Variants in ADCY2 observed in about 807,000 individuals in gnomAD.
ADCY2 encodes adenylate cyclase 2.
ADCY2 carries 31 observed loss-of-function variants against 125.2 expected under a neutral mutation model. The observed-to-expected ratio is 0.25, with a 90% CI of 0.19 to 0.33. The LOEUF is 0.33. ADCY2 is among the 10% of genes least tolerant of loss of function. The pLI, the probability that ADCY2 is intolerant of heterozygous loss-of-function variation, is 1.00. For synonymous variants in ADCY2, 512 were observed against 548.4 expected (o/e 0.93, Z 0.93); for missense variants, 904 against 1,418.2 (o/e 0.64, Z 5.82).
chr5:7,738,382 T>C (rs1382432766), intron 14 of ADCY2, among the ~76,000 whole-genome samples: 1 of 151,796 alleles, frequency 6.6e-6, no homozygotes, highest in Non-Finnish European at 1.5e-5. Flanking sequence ...AAAAATACTT[T>C]TAAATATTTA....
rs147168591 is a variant in ADCY2, at chr5:7,580,003, C to T, written c.571-46164C>T. On this transcript the variant is annotated intron_variant, in intron 3 of 24. Coordinates refer to ENST00000338316, the MANE Select transcript of ADCY2 (RefSeq NM_020546.3). ...GTGGAGGCCATGATCCTAAGTGAAT[C>T]GACATAGAAGCAGATAAGCAAATAA... 2.6e-3 allele frequency among the ~76,000 whole-genome samples: 394 copies of T among 152,190 alleles called. 2 individuals carry two copies. Among genetic ancestry groups the T allele is most frequent in the African/African-American group, 8.9e-3 (369 of 41,518 alleles).
chr5:7,759,251 T>C (rs6555495), intron 16 of ADCY2, among the ~76,000 whole-genome samples: 146,989 of 152,234 alleles, frequency 0.97, 71,079 homozygotes, highest in East Asian at 1. Context: ...CCAGCTCCAT[T>C]TCAGGAGCTC....
Position 7,510,551 on chromosome 5 carries a change from G to A in ADCY2, c.409-10187G>A, listed in dbSNP as rs77442854. ...AGTTCCCAGGTGTGGCTAGGCTCAG[G>A]CCCAAGCACCATACTTGGTGGTAAC... On this transcript the variant is annotated intron_variant, in intron 2 of 24. Transcript: ENST00000338316. Among the ~76,000 whole-genome samples the A allele has an allele frequency of 4.6e-3, 707 of 152,274 alleles. 9 individuals carry two copies. Among genetic ancestry groups the A allele is most frequent in the African/African-American group, 0.016 (672 of 41,556 alleles).
At chr5:7,583,315 TA>T (rs1452511802) in intron 3 of ADCY2, among the ~76,000 whole-genome samples, 2 of 152,114 alleles carry the variant, frequency 1.3e-5, no homozygotes, top group African/African-American at 4.8e-5. Flanking sequence ...CTCAACAGTC[TA>T]TTTGTGGAAA....
chr5:7,708,839 A>T (rs142294251), intron 9 of ADCY2, among the ~76,000 whole-genome samples: 1 of 152,204 alleles, frequency 6.6e-6, no homozygotes, highest in Non-Finnish European at 1.5e-5. Context: ...GAACACCAAA[A>T]CACGATGTTT....
chr5:7,682,262 G>A (rs1028260630), intron 4 of ADCY2, among the ~76,000 whole-genome samples: 9 of 152,158 alleles, frequency 5.9e-5, no homozygotes, highest in East Asian at 1.9e-4. Flanking sequence ...TTCTAAAATC[G>A]CCTGGGAATA....
At chr5:7,478,627 A>G (rs1251144456) in intron 2 of ADCY2, among the ~76,000 whole-genome samples, 1 of 152,160 alleles carries the variant, frequency 6.6e-6, no homozygotes, top group Admixed American at 6.5e-5. Context: ...TAATCTTTGA[A>G]AGCACACAAA....
intron 3 of ADCY2, among the ~76,000 whole-genome samples, chr5:7,544,384 A>G (rs1051739439): frequency 6.6e-6 from 1 of 152,144 alleles, no homozygotes; most frequent in African/African-American, 2.4e-5. Context: ...ACTTTATGAG[A>G]GAATCTCTAT....
chr5:7,400,108 T>A (rs1254740036), intron 1 of ADCY2, among the ~76,000 whole-genome samples: 1 of 152,136 alleles, frequency 6.6e-6, no homozygotes. Context: ...AATTTTTTTT[T>A]ATTTTGTCAG....
chr5:7,710,190 A>G (rs1005541758), intron 10 of ADCY2, among the ~76,000 whole-genome samples: 1 of 152,152 alleles, frequency 6.6e-6, no homozygotes, highest in Non-Finnish European at 1.5e-5. Flanking sequence ...CAAGGTCTCA[A>G]AGTGACACTC....
chr5:7,765,338 T>C (rs182909371), intron 16 of ADCY2, among the ~76,000 whole-genome samples: 3 of 152,316 alleles, frequency 2.0e-5, no homozygotes, highest in Admixed American at 2.0e-4. Context: ...ATCTGTACCC[T>C]TTTGGAGCCT....
At chr5:7,424,107 G>T (rs577195186) in intron 2 of ADCY2, among the ~76,000 whole-genome samples, 1 of 152,258 alleles carries the variant, frequency 6.6e-6, no homozygotes, top group African/African-American at 2.4e-5. Flanking sequence ...AGACATTTTT[G>T]CTTGCTGCTC....
chr5:7,628,262 T>A (rs1738199643), intron 4 of ADCY2, among the ~76,000 whole-genome samples: 1 of 152,162 alleles, frequency 6.6e-6, no homozygotes, highest in Admixed American at 6.5e-5. Flanking sequence ...TTTTTTTTCA[T>A]CAGCTCTGTA....
At chr5:7,658,570 G>C (rs1034840222) in intron 4 of ADCY2, among the ~76,000 whole-genome samples, 1 of 151,940 alleles carries the variant, frequency 6.6e-6, no homozygotes, top group East Asian at 1.9e-4. Flanking sequence ...CAAGCATGAG[G>C]CACCACACCC....
intron 2 of ADCY2, among the ~76,000 whole-genome samples, chr5:7,496,466 G>A (rs929720876): frequency 3.2e-4 from 49 of 152,206 alleles, no homozygotes; most frequent in African/African-American, 1.1e-3. Context: ...ATCACTAATT[G>A]TGGCTATTAC....
intron 22 of ADCY2, among the ~76,000 whole-genome samples, chr5:7,812,583 C>T (rs1209550699): frequency 6.6e-6 from 1 of 152,152 alleles, no homozygotes; most frequent in East Asian, 1.9e-4. Context: ...TTGCTTGTAT[C>T]CATTTATTCA....
intron 2 of ADCY2, among the ~76,000 whole-genome samples, chr5:7,495,552 A>G (rs1042133296): frequency 2.0e-5 from 3 of 152,230 alleles, no homozygotes; most frequent in Admixed American, 6.5e-5. Context: ...TTTTTGCACA[A>G]AATGACCTAA....
intron 3 of ADCY2, among the ~76,000 whole-genome samples, chr5:7,606,467 CA>C (rs1176267260): frequency 3.3e-5 from 5 of 152,112 alleles, no homozygotes; most frequent in Non-Finnish European, 7.3e-5. Flanking sequence ...ACTATTAATG[CA>C]AAATTTAATT....
chr5:7,436,785 G>C (rs952643684), intron 2 of ADCY2, among the ~76,000 whole-genome samples: 6 of 152,214 alleles, frequency 3.9e-5, no homozygotes, highest in Non-Finnish European at 8.8e-5. Context: ...CATGCCAGGC[G>C]TGTGCAGCCT....
Sources: allele counts gnomAD v4.1 joint callset (sites outside exome capture counted in the v4.1 genomes callset), GRCh38; gene constraint gnomAD v4.1.1; transcripts MANE v1.5; gene names NCBI Gene and HGNC (gene_info 2026-07-23, HGNC 2026-07-21).